Variants in RAB3GAP2 observed in about 807,000 individuals in gnomAD.
The protein encoded by RAB3GAP2 is RAB3 GTPase activating non-catalytic protein subunit 2.
A neutral mutation model predicts 185.3 loss-of-function variants in RAB3GAP2; 87 were observed. That is an observed-to-expected ratio of 0.47 (90% confidence interval 0.39 to 0.56). The LOEUF (loss-of-function observed/expected upper bound fraction) is 0.56. RAB3GAP2 is among the 20% of genes least tolerant of loss of function. The pLI, the probability that RAB3GAP2 is intolerant of heterozygous loss-of-function variation, is 0.00. For synonymous variants in RAB3GAP2, 554 were observed against 576.1 expected (o/e 0.96, Z 0.55); for missense variants, 1,492 against 1,638.2 (o/e 0.91, Z 1.54).
chr1:220,166,919 G>C (rs1346547010), intron 26 of RAB3GAP2, among the ~76,000 whole-genome samples: 4 of 152,174 alleles, frequency 2.6e-5, no homozygotes, highest in Non-Finnish European at 5.9e-5. Context: ...CAGGAATTCA[G>C]AAGGAAATAA....
At chr1:220,152,408 A>AC (rs1423127846) in intron 33 of RAB3GAP2, among the ~76,000 whole-genome samples, 2 of 152,136 alleles carry the variant, frequency 1.3e-5, no homozygotes, top group Non-Finnish European at 2.9e-5. Context: ...ACTTAGAATA[A>AC]CCATGGGCTC....
chr1:220,228,855 A>G (rs1280408647), intron 2 of RAB3GAP2, among the ~76,000 whole-genome samples: 2 of 152,228 alleles, frequency 1.3e-5, no homozygotes, highest in Non-Finnish European at 2.9e-5. Flanking sequence ...GACAAAGAAC[A>G]CCAAGCTACT....
intron 28 of RAB3GAP2, 52 bp downstream of exon 28, chr1:220,162,146 G>T: frequency 1.5e-6 from 2 of 1,305,592 alleles, no homozygotes; most frequent in Non-Finnish European, 2.2e-6. Context: ...TCTAATATTA[G>T]TCAAATAAGA....
Position 220,153,313 on chromosome 1 carries a change from C to G in RAB3GAP2, c.3739G>C (p.Gly1247Arg). Residue 1247 changes from glycine (G) to arginine (R), a missense_variant, in exon 33 of 35, where the codon GGG becomes CGG. Physicochemically the swap from Gly to Arg is moderately radical, Grantham distance 125. This residue lies in a region of RAB3GAP2 where 387 missense variants were observed against 455.3 expected (regional missense o/e 0.85). Coordinates refer to ENST00000358951, the MANE Select transcript of RAB3GAP2 (RefSeq NM_012414.4). ...PTEEATPTPF[G>R]KDQDWPALAV... ...AGAGCTGGCCAATCTTGGTCTTTCC[C>G]AAAAGGAGTGGGTGTGGCCTCTTCT... 9 of 1,614,164 alleles carry G rather than the reference C, an allele frequency of 5.6e-6. No homozygotes were observed. Among genetic ancestry groups the G allele is most frequent in the Non-Finnish European group, 6.8e-6 (8 of 1,180,018 alleles).
In RAB3GAP2 at chr1:220,167,344, C is replaced by T; in HGVS notation, c.3036G>A (p.Leu1012=). 6.2e-7 allele frequency: 1 copy of T among 1,614,174 alleles called. No individual in the cohort carries two copies. Among genetic ancestry groups the T allele is most frequent in the Non-Finnish European group, 8.5e-7 (1 of 1,180,018 alleles). Residue 1012 remains leucine (L), a synonymous_variant, in exon 26 of 35, where the codon TTG becomes TTA. Transcript: ENST00000358951. ...QFPCSLELDV[L]HAHCCWEYVV... The stretch of plus-strand genomic sequence containing the variant: ...CGTACTCCCAGCAGCAATGTGCATG[C>T]AAGACATCGAGCTCAAGGCTACAAG...
At chr1:220,236,517 GT>G (rs1204460193) in intron 1 of RAB3GAP2, among the ~76,000 whole-genome samples, 8 of 152,070 alleles carry the variant, frequency 5.3e-5, no homozygotes, top group Non-Finnish European at 2.9e-5. Context: ...TTTAATTTTT[GT>G]GGCCTCCTAT....
intron 31 of RAB3GAP2, among the ~76,000 whole-genome samples, chr1:220,156,460 T>C (rs1301046216): frequency 6.6e-6 from 1 of 152,166 alleles, no homozygotes. Flanking sequence ...AAGGTTACAA[T>C]AGAATATGTA....
chr1:220,272,395 A>C lies in RAB3GAP2; in HGVS notation c.-58T>G. 7.8e-7 allele frequency: 1 copy of C among 1,275,916 alleles called. No individual in the cohort carries two copies. 79.0% of individuals were successfully genotyped at this position (1,275,916 alleles called of 1,614,324 possible). A position where few individuals can be genotyped will look rare whatever the true frequency, so the allele number is the denominator to read the frequency against. ...TACCTCACCACGCCCTGCCCCCTCC[A>C]CCCCACTGCGGCCGCCACCGAGCCC... On this transcript the variant is annotated 5_prime_UTR_variant, in exon 1 of 35. Coordinates refer to ENST00000358951, the MANE Select transcript of RAB3GAP2 (RefSeq NM_012414.4).
At chr1:220,207,227 G>A (rs1658985511) in intron 7 of RAB3GAP2, among the ~76,000 whole-genome samples, 1 of 152,054 alleles carries the variant, frequency 6.6e-6, no homozygotes, top group African/African-American at 2.4e-5. Flanking sequence ...GGTCTGTTGG[G>A]TCATACAGTA....
chr1:220,245,633 C>T (rs1415161441), intron 1 of RAB3GAP2, among the ~76,000 whole-genome samples: 3 of 151,894 alleles, frequency 2.0e-5, no homozygotes, highest in Non-Finnish European at 4.4e-5. Flanking sequence ...GTAAACAAAG[C>T]AGCCGGGAAG....
intron 7 of RAB3GAP2, 33 bp from the exon 8 acceptor site, chr1:220,206,039 AT>A: frequency 2.3e-6 from 3 of 1,327,818 alleles, no homozygotes; most frequent in Non-Finnish European, 3.2e-6. Context: ...AAGTTCTTGA[AT>A]AGATAAATAA....
intron 2 of RAB3GAP2, among the ~76,000 whole-genome samples, chr1:220,219,070 A>C (rs17565134): frequency 0.19 from 28,618 of 152,172 alleles, 2,802 homozygotes; most frequent in Admixed American, 0.24. Flanking sequence ...AAATTTTACC[A>C]TATTATGAAG....
chr1:220,198,311 A>G (rs1445780643), intron 9 of RAB3GAP2, among the ~76,000 whole-genome samples: 1 of 152,208 alleles, frequency 6.6e-6, no homozygotes, highest in African/African-American at 2.4e-5. Context: ...ACAAATGGAC[A>G]TAAAGCTTGG....
intron 1 of RAB3GAP2, among the ~76,000 whole-genome samples, chr1:220,252,118 C>A: frequency 7.4e-6 from 1 of 135,130 alleles, no homozygotes; most frequent in Non-Finnish European, 1.5e-5. Flanking sequence ...ATGGCACAGC[C>A]TAGGTGATAG....
chr1:220,178,361 C>CTA (rs1179474634), intron 21 of RAB3GAP2, among the ~76,000 whole-genome samples: 1 of 152,102 alleles, frequency 6.6e-6, no homozygotes, highest in East Asian at 1.9e-4. Context: ...GATTGTCATA[C>CTA]TAATATTCTA....
chr1:220,232,709 A>C (rs758064335), intron 2 of RAB3GAP2, 90 bp downstream of exon 2: 5 of 1,203,520 alleles, frequency 4.2e-6, no homozygotes, highest in Non-Finnish European at 6.2e-6. Flanking sequence ...ATCGAATTTA[A>C]AATGTCAGCT....
intron 1 of RAB3GAP2, among the ~76,000 whole-genome samples, chr1:220,249,540 A>T (rs1269599852): frequency 6.6e-6 from 1 of 152,194 alleles, no homozygotes; most frequent in Non-Finnish European, 1.5e-5. Flanking sequence ...AGAAAAACCC[A>T]TTCCTGAGGA....
chr1:220,228,701 A>C (rs1275072269), intron 2 of RAB3GAP2, among the ~76,000 whole-genome samples: 1 of 152,198 alleles, frequency 6.6e-6, no homozygotes, highest in Non-Finnish European at 1.5e-5. Context: ...TGTACACATG[A>C]CCCATGACAA....
chr1:220,196,415 A>G lies in RAB3GAP2; in HGVS notation c.812-17T>C. 1 of 1,508,826 alleles carries G rather than the reference A, an allele frequency of 6.6e-7. No individual in the cohort carries two copies. The allele number at this position is 1,508,826 out of a possible 1,614,324, so 93.5% of individuals were successfully genotyped here. On this transcript the variant is annotated splice_polypyrimidine_tract_variant and intron_variant, in intron 9 of 34. Transcript: ENST00000358951. ...TCATAATACCTAATAAAAAAAAAAA[A>G]GTGATTTGAATGTACAATGTTATTG... is the stretch of plus-strand genomic sequence containing the variant.
Sources: allele counts gnomAD v4.1 joint callset (sites outside exome capture counted in the v4.1 genomes callset), GRCh38; gene constraint gnomAD v4.1.1; regional missense constraint gnomAD v4.1.1; transcripts MANE v1.5; gene names NCBI Gene and HGNC (gene_info 2026-07-23, HGNC 2026-07-21).